MEI4: variants seen among roughly 807,000 people sequenced by gnomAD.
MEI4 encodes the protein meiosis-specific protein MEI4.
In MEI4, 27 loss-of-function variants were observed where a neutral mutation model predicts 31.4. That is an observed-to-expected ratio of 0.86 (90% CI 0.63 to 1.19). The LOEUF is 1.19. MEI4 is among the 50% of genes most tolerant of loss of function. MEI4 has a pLI of 0.00. For missense variants in MEI4, 329 were observed against 398.9 expected, an observed-to-expected ratio of 0.82 and a Z score of 1.49; for synonymous variants, 122 against 145.4, an observed-to-expected ratio of 0.84 and a Z score of 1.16.
chr6:77,704,887 A>C (rs975054765), intron 2 of MEI4, among the ~76,000 whole-genome samples: 4 of 152,164 alleles, frequency 2.6e-5, no homozygotes, highest in Non-Finnish European at 4.4e-5. Context: ...AAGATTTCTC[A>C]GTACCAAGTG....
intron 3 of MEI4, among the ~76,000 whole-genome samples, chr6:77,798,794 C>G (rs992408722): frequency 6.6e-6 from 1 of 151,938 alleles, no homozygotes; most frequent in African/African-American, 2.4e-5. Flanking sequence ...CTTCCAATTT[C>G]ATCCATGTCC....
intron 2 of MEI4, among the ~76,000 whole-genome samples, chr6:77,732,520 G>C (rs1011873160): frequency 1.3e-5 from 2 of 150,080 alleles, no homozygotes; most frequent in Non-Finnish European, 1.5e-5. Flanking sequence ...AGCTTAAGGA[G>C]ATTTTGGGCT....
rs143348805 is a variant in MEI4 at position 77,853,863 on chromosome 6, A to G, written c.900+24801A>G. 5.7e-4 allele frequency among the ~76,000 whole-genome samples: 87 copies of G among 152,340 alleles called. 1 individual carries two copies. The highest frequency in any genetic ancestry group is 2.0e-3 in the African/African-American group (85 of 41,590). On this transcript the variant is annotated intron_variant, in intron 4 of 4. Coordinates refer to ENST00000684080, the MANE Select transcript of MEI4 (RefSeq NM_001322247.2). ...TTATTCATTCTTCAAAGACTTTACA[A>G]CATTCCACTAGAATAGTCAACTAAT...
intron 3 of MEI4, among the ~76,000 whole-genome samples, chr6:77,806,656 C>T (rs767427812): frequency 3.9e-5 from 6 of 152,080 alleles, no homozygotes; most frequent in Non-Finnish European, 5.9e-5. Context: ...TGGAGTTGTG[C>T]AGGAAATACA....
chr6:77,716,277 T>A (rs144289505), intron 2 of MEI4, among the ~76,000 whole-genome samples: 144 of 152,336 alleles, frequency 9.5e-4, no homozygotes, highest in African/African-American at 3.2e-3. Flanking sequence ...AATTAAAATC[T>A]GAAGATTGAA....
intron 4 of MEI4, among the ~76,000 whole-genome samples, chr6:77,875,496 TCAAAG>T (rs1771312454): frequency 6.6e-6 from 1 of 152,206 alleles, no homozygotes; most frequent in Non-Finnish European, 1.5e-5. Context: ...ATAGGACCCT[TCAAAG>T]CATGTTTTAA....
chr6:77,809,851 ATT>A (rs1769533061), intron 3 of MEI4, among the ~76,000 whole-genome samples: 1 of 152,132 alleles, frequency 6.6e-6, no homozygotes, highest in Non-Finnish European at 1.5e-5. Flanking sequence ...AAAAAAAATC[ATT>A]GTTTATTTGA....
intron 3 of MEI4, among the ~76,000 whole-genome samples, chr6:77,801,917 T>G (rs148828891): frequency 0.01 from 1,569 of 150,914 alleles, 26 homozygotes; most frequent in African/African-American, 0.036. Flanking sequence ...TTTTGGAATA[T>G]GTATGGTGCT....
chr6:77,667,283 T>C (rs1239923808), intron 1 of MEI4, among the ~76,000 whole-genome samples: 1 of 152,200 alleles, frequency 6.6e-6, no homozygotes, highest in East Asian at 1.9e-4. Flanking sequence ...ACATTTCCCT[T>C]TGAGGCTTAC....
At chr6:77,662,846 A>C (rs1220811483) in intron 1 of MEI4, among the ~76,000 whole-genome samples, 5 of 152,094 alleles carry the variant, frequency 3.3e-5, no homozygotes, top group Non-Finnish European at 1.5e-5. Context: ...TTTTTATGAG[A>C]ATTATGCCGA....
At chr6:77,771,245 C>T (rs538125634) in intron 3 of MEI4, among the ~76,000 whole-genome samples, 1 of 152,140 alleles carries the variant, frequency 6.6e-6, no homozygotes, top group South Asian at 2.1e-4. Context: ...GAGATACCAT[C>T]TCAACCAGTC....
chr6:77,664,135 A>G (rs904856087), intron 1 of MEI4, among the ~76,000 whole-genome samples: 1 of 151,942 alleles, frequency 6.6e-6, no homozygotes, highest in Non-Finnish European at 1.5e-5. Flanking sequence ...GAGGCAAGGA[A>G]TTGCAACTTT....
rs117456582 is a variant in MEI4, at chr6:77,804,062, C to A, written c.769-24869C>A. 3.9e-5 allele frequency among the ~76,000 whole-genome samples: 6 copies of A among 152,304 alleles called. No homozygotes were observed. In the East Asian group the frequency reaches 1.2e-3, roughly 29 times the overall value. On this transcript the variant is annotated intron_variant, in intron 3 of 4. Transcript: ENST00000684080. ...TGCCTTTTGTTTGGCTATGCCCTAGCCCCAGCGGTGAAGTCTACAGAGGCA... is the reference window on the plus strand; with the variant it reads ...TGCCTTTTGTTTGGCTATGCCCTAGACCCAGCGGTGAAGTCTACAGAGGCA...
intron 2 of MEI4, among the ~76,000 whole-genome samples, chr6:77,749,441 A>G (rs1429837048): frequency 2.6e-5 from 4 of 152,196 alleles, no homozygotes; most frequent in Non-Finnish European, 5.9e-5. Context: ...GATGGAGCTG[A>G]AAAACACAGC....
chr6:77,744,303 C>T (rs796893656), intron 2 of MEI4, among the ~76,000 whole-genome samples: 48 of 151,476 alleles, frequency 3.2e-4, no homozygotes, highest in Non-Finnish European at 5.5e-4. Context: ...AGCCAAGGCT[C>T]GAGAACTACG....
chr6:77,702,566 C>G (rs1455671665), intron 2 of MEI4, among the ~76,000 whole-genome samples: 1 of 152,154 alleles, frequency 6.6e-6, no homozygotes, highest in African/African-American at 2.4e-5. Flanking sequence ...CTCTCCATTC[C>G]TGATGCCATT....
chr6:77,746,918 A>G (rs1767625170), intron 2 of MEI4, among the ~76,000 whole-genome samples: 1 of 152,132 alleles, frequency 6.6e-6, no homozygotes, highest in African/African-American at 2.4e-5. Flanking sequence ...TGATTTGTTC[A>G]GTTCTATAAA....
chr6:77,804,430 G>T (rs1274859630), intron 3 of MEI4, among the ~76,000 whole-genome samples: 1 of 152,130 alleles, frequency 6.6e-6, no homozygotes, highest in African/African-American at 2.4e-5. Context: ...GCTTTGCTTT[G>T]GCTCACACTC....
At chr6:77,831,831 A>G (rs975323102) in intron 4 of MEI4, among the ~76,000 whole-genome samples, 12 of 152,010 alleles carry the variant, frequency 7.9e-5, no homozygotes, top group African/African-American at 2.9e-4. Flanking sequence ...TCAATAGTAC[A>G]GTTAGTGAAT....
Sources: allele counts gnomAD v4.1 joint callset (sites outside exome capture counted in the v4.1 genomes callset), GRCh38; gene constraint gnomAD v4.1.1; transcripts MANE v1.5; gene names NCBI Gene and HGNC (gene_info 2026-07-23, HGNC 2026-07-21).